The following ST6GALNAC5 variants were observed in gnomAD, a reference collection of about 807,000 sequenced individuals.
ST6GALNAC5 encodes the protein alpha-N-acetylgalactosaminide alpha-2,6-sialyltransferase 5.
A neutral mutation model predicts 33.6 loss-of-function variants in ST6GALNAC5; 27 were observed. The observed-to-expected ratio is 0.80, with a 90% CI of 0.59 to 1.11. The LOEUF (loss-of-function observed/expected upper bound fraction) is 1.11, where lower values mean the gene tolerates loss of function less well. Ranked by LOEUF, ST6GALNAC5 falls within the 50% of genes least tolerant of loss-of-function variation. The pLI is 0.00. For synonymous variants in ST6GALNAC5, 194 were observed against 171.2 expected (o/e 1.13, Z -1.04); for missense variants, 428 against 454.0 (o/e 0.94, Z 0.52).
intron 2 of ST6GALNAC5, among the ~76,000 whole-genome samples, chr1:77,039,113 C>A (rs929549335): frequency 6.6e-6 from 1 of 152,224 alleles, no homozygotes; most frequent in Non-Finnish European, 1.5e-5. Flanking sequence ...AGAGACCCCA[C>A]CCACCTGCCT....
At chr1:77,011,273 G>T (rs190001956) in intron 2 of ST6GALNAC5, among the ~76,000 whole-genome samples, 1 of 152,288 alleles carries the variant, frequency 6.6e-6, no homozygotes. Flanking sequence ...TGTTTTACGT[G>T]CCTTGGTGCC....
At chr1:77,041,200 C>A (rs139368908) in intron 2 of ST6GALNAC5, among the ~76,000 whole-genome samples, 90 of 152,304 alleles carry the variant, frequency 5.9e-4, no homozygotes, top group African/African-American at 2.1e-3. Flanking sequence ...TTACATAATC[C>A]TTTCCTGGTT....
At chr1:76,941,927 C>T (rs752319173) in intron 2 of ST6GALNAC5, among the ~76,000 whole-genome samples, 19 of 152,182 alleles carry the variant, frequency 1.2e-4, no homozygotes, top group African/African-American at 2.4e-4. Flanking sequence ...CCTCTGAATG[C>T]GAGGTGTTAG....
intron 2 of ST6GALNAC5, among the ~76,000 whole-genome samples, chr1:77,016,174 G>C (rs71658778): frequency 0.62 from 2,240 of 3,592 alleles, 967 homozygotes; most frequent in Middle Eastern, 1. Flanking sequence ...TCCTCCTCCT[G>C]TCCTCCCCCT....
At chr1:76,983,982 T>G (rs940882644) in intron 2 of ST6GALNAC5, among the ~76,000 whole-genome samples, 2 of 152,210 alleles carry the variant, frequency 1.3e-5, no homozygotes, top group Non-Finnish European at 2.9e-5. Context: ...AGACACAACG[T>G]GTCAGAATCT....
intron 2 of ST6GALNAC5, among the ~76,000 whole-genome samples, chr1:76,985,598 T>C (rs972056206): frequency 3.3e-5 from 5 of 152,158 alleles, no homozygotes; most frequent in African/African-American, 1.2e-4. Context: ...GGGTAATTTA[T>C]AGATTCAAGG....
intron 2 of ST6GALNAC5, among the ~76,000 whole-genome samples, chr1:77,017,511 T>A (rs551262748): frequency 6.6e-6 from 1 of 152,308 alleles, no homozygotes; most frequent in South Asian, 2.1e-4. Context: ...CCGCTCTGCA[T>A]GACTGTCATC....
At chr1:76,984,814 A>T (rs145926858) in intron 2 of ST6GALNAC5, among the ~76,000 whole-genome samples, 3 of 152,242 alleles carry the variant, frequency 2.0e-5, no homozygotes, top group African/African-American at 4.8e-5. Context: ...AAGCTTATGC[A>T]CTACGATCAA....
chr1:76,872,907 G>T (rs962258463), intron 2 of ST6GALNAC5, among the ~76,000 whole-genome samples: 1 of 152,202 alleles, frequency 6.6e-6, no homozygotes, highest in African/African-American at 2.4e-5. Flanking sequence ...TTTTGTGGGT[G>T]AGGAGTTGCA....
In ST6GALNAC5 at chr1:76,912,924, A is replaced by G. The variant is rs865893855; in HGVS notation, c.261+44182A>G. 7.6e-3 allele frequency among the ~76,000 whole-genome samples: 1,154 copies of G among 151,016 alleles called. 15 individuals are homozygous for G. The highest frequency in any genetic ancestry group is 0.027 in the African/African-American group (1,108 of 41,332). On this transcript the variant is annotated intron_variant, in intron 2 of 4. Coordinates refer to ENST00000477717, the MANE Select transcript of ST6GALNAC5 (RefSeq NM_030965.3). ...GAGCATTTAGTCCATTTACATTTAA[A>G]GTTAATATTGTTATGTGTGAATTTG...
At chr1:76,975,249 A>G (rs1648960353) in intron 2 of ST6GALNAC5, among the ~76,000 whole-genome samples, 1 of 152,212 alleles carries the variant, frequency 6.6e-6, no homozygotes, top group Non-Finnish European at 1.5e-5. Flanking sequence ...TTAAGCTACT[A>G]TTCATTGATG....
chr1:76,965,571 G>A (rs1648435626), intron 2 of ST6GALNAC5, among the ~76,000 whole-genome samples: 3 of 152,098 alleles, frequency 2.0e-5, no homozygotes, highest in Admixed American at 2.0e-4. Context: ...CATTCACTCT[G>A]ACAGTAGTTT....
intron 2 of ST6GALNAC5, among the ~76,000 whole-genome samples, chr1:76,965,873 C>G (rs954194226): frequency 4.6e-5 from 7 of 152,128 alleles, no homozygotes; most frequent in African/African-American, 1.7e-4. Context: ...GAATCCTTTC[C>G]CATTTCTTGC....
At chr1:76,995,732 T>C (rs981584070) in intron 2 of ST6GALNAC5, among the ~76,000 whole-genome samples, 2 of 152,090 alleles carry the variant, frequency 1.3e-5, no homozygotes, top group Non-Finnish European at 2.9e-5. Flanking sequence ...AGCACACACT[T>C]AGAACCTCCG....
rs1279348139 is a variant in ST6GALNAC5, at chr1:76,969,580, C to T, written c.262-74624C>T. On this transcript the variant is annotated intron_variant, in intron 2 of 4. Transcript: ENST00000477717. ...TCAGCAAGGCTACTGCCTCTGTAGA[C>T]TCCACCTATGGGGGCAGGGCATAGC... Among the ~76,000 whole-genome samples, 5 of 152,234 alleles carry T rather than the reference C, an allele frequency of 3.3e-5. No homozygotes were observed. The East Asian group carries it at 9.6e-4, about 29-fold the overall frequency.
In ST6GALNAC5 at chr1:77,044,603, G is replaced by A; in HGVS notation, c.661G>A (p.Gly221Ser). The change falls in exon 3 of 5, where the codon GGC (glycine) becomes AGC (serine). Residue 221 changes from glycine to serine, a missense_variant. By Grantham distance (56) the Gly-to-Ser change is moderately conservative. Coordinates refer to ENST00000477717, the MANE Select transcript of ST6GALNAC5 (RefSeq NM_030965.3). ...TGATGAGCTCTTCAAGCAGGAGACTGGCAAAGACAGGTACAAAGGCACAGG... is the reference window on the plus strand; with the variant it reads ...TGATGAGCTCTTCAAGCAGGAGACTAGCAAAGACAGGTACAAAGGCACAGG... Reference protein sequence around the residue: ...QFDELFKQETGKDRKISNTWL... With the variant: ...QFDELFKQETSKDRKISNTWL... The A allele has an allele frequency of 6.4e-7, 1 of 1,551,230 alleles. No individual in the cohort carries two copies. The highest frequency in any genetic ancestry group is 8.7e-7 in the Non-Finnish European group (1 of 1,144,800).
intron 3 of ST6GALNAC5, among the ~76,000 whole-genome samples, chr1:77,046,045 A>G (rs1433901568): frequency 6.6e-6 from 1 of 152,196 alleles, no homozygotes; most frequent in Non-Finnish European, 1.5e-5. Flanking sequence ...TTAATTCTAA[A>G]ACCTGTACTT....
chr1:76,997,013 C>T (rs1649964329), intron 2 of ST6GALNAC5, among the ~76,000 whole-genome samples: 1 of 152,160 alleles, frequency 6.6e-6, no homozygotes, highest in African/African-American at 2.4e-5. Context: ...ACATGAACCC[C>T]TGGAGAAAAG....
chr1:76,925,024 GC>G (rs1449844718), intron 2 of ST6GALNAC5, among the ~76,000 whole-genome samples: 1 of 152,058 alleles, frequency 6.6e-6, no homozygotes, highest in African/African-American at 2.4e-5. Flanking sequence ...CCTGGTGAGG[GC>G]CCCAGGAAGC....
Sources: allele counts gnomAD v4.1 joint callset (sites outside exome capture counted in the v4.1 genomes callset), GRCh38; gene constraint gnomAD v4.1.1; transcripts MANE v1.5; gene names NCBI Gene and HGNC (gene_info 2026-07-23, HGNC 2026-07-21).